Variants in DPYD observed in about 807,000 individuals in gnomAD.
DPYD encodes dihydropyrimidine dehydrogenase.
DPYD carries 109 observed loss-of-function variants against 116.2 expected under a neutral mutation model. The ratio of observed to expected loss-of-function variants is 0.94; its 90% CI spans 0.80 to 1.10. The LOEUF (loss-of-function observed/expected upper bound fraction) is 1.10, where lower values mean the gene tolerates loss of function less well. Ranked by LOEUF, DPYD falls within the 50% of genes least tolerant of loss-of-function variation. DPYD has a pLI of 0.00. For missense variants in DPYD, 1,302 were observed against 1,254.5 expected (o/e 1.04, Z -0.57); for synonymous variants, 440 against 432.0 (o/e 1.02, Z -0.23).
chr1:97,549,610 A>C lies in DPYD; in HGVS notation c.1474T>G (p.Ser492Ala). ...VVGLANTTVE[S>A]VNDGKQASWY... ...GAAGCTTGCTTTCCATCATTCACCG[A>C]TTCCACTGTAGTGTTAGCCAAACCA... The change falls in exon 12 of 23, where the codon TCG (serine) becomes GCG (alanine). Residue 492 changes from serine (S) to alanine (A), a missense_variant. Ser to Ala is a moderately conservative substitution (Grantham distance 99, BLOSUM62 1). Coordinates refer to ENST00000370192, the MANE Select transcript of DPYD (RefSeq NM_000110.4). The C allele has an allele frequency of 6.2e-7, 1 of 1,613,912 alleles. No homozygotes were observed. Among genetic ancestry groups the C allele is most frequent in the Non-Finnish European group, 8.5e-7 (1 of 1,179,878 alleles).
chr1:97,661,620 A>C (rs1659262962), intron 8 of DPYD, among the ~76,000 whole-genome samples: 1 of 152,190 alleles, frequency 6.6e-6, no homozygotes, highest in Non-Finnish European at 1.5e-5. Flanking sequence ...CTATGGAAGA[A>C]GCAAACTTAA....
chr1:97,901,472 GAA>G (rs1165446632), intron 1 of DPYD, among the ~76,000 whole-genome samples: 3 of 151,802 alleles, frequency 2.0e-5, no homozygotes, highest in Non-Finnish European at 4.4e-5. Flanking sequence ...CAAATGAAAA[GAA>G]AGAGACAAAC....
intron 3 of DPYD, among the ~76,000 whole-genome samples, chr1:97,765,103 C>A (rs1264553560): frequency 1.3e-5 from 2 of 152,142 alleles, no homozygotes; most frequent in African/African-American, 4.8e-5. Flanking sequence ...CCAACTCTTT[C>A]TAAAGCTTAA....
chr1:97,542,887 C>T (rs538070437), intron 12 of DPYD, among the ~76,000 whole-genome samples: 96 of 152,224 alleles, frequency 6.3e-4, no homozygotes, highest in African/African-American at 2.2e-3. Flanking sequence ...CTAAAATATC[C>T]TATTTCAATA....
intron 3 of DPYD, among the ~76,000 whole-genome samples, chr1:97,750,671 C>G (rs991295683): frequency 6.6e-6 from 1 of 152,136 alleles, no homozygotes; most frequent in Non-Finnish European, 1.5e-5. Flanking sequence ...CAAAGCCTTA[C>G]AAAGAATTCA....
At chr1:97,696,632 G>C (rs1028660278) in intron 6 of DPYD, among the ~76,000 whole-genome samples, 1 of 151,670 alleles carries the variant, frequency 6.6e-6, no homozygotes, top group African/African-American at 2.4e-5. Context: ...TCTTGTAATC[G>C]TAAGTCCTTT....
chr1:97,405,301 G>A (rs1673595622), intron 14 of DPYD, among the ~76,000 whole-genome samples: 1 of 151,694 alleles, frequency 6.6e-6, no homozygotes, highest in African/African-American at 2.4e-5. Context: ...TCTTTATGTA[G>A]GTCCAAGTTT....
At chr1:97,826,293 A>C (rs1035141238) in intron 3 of DPYD, among the ~76,000 whole-genome samples, 28 of 152,298 alleles carry the variant, frequency 1.8e-4, no homozygotes, top group African/African-American at 6.5e-4. Context: ...TTTGAAGTTA[A>C]TTCTTATAAT....
chr1:97,640,135 G>A (rs1228763167), intron 8 of DPYD, among the ~76,000 whole-genome samples: 1 of 152,066 alleles, frequency 6.6e-6, no homozygotes, highest in African/African-American at 2.4e-5. Flanking sequence ...ATGAAGTCAA[G>A]TTACGTAGTG....
At chr1:97,277,100 G>A (rs183614784) in intron 18 of DPYD, among the ~76,000 whole-genome samples, 7 of 152,184 alleles carry the variant, frequency 4.6e-5, no homozygotes, top group African/African-American at 9.6e-5. Flanking sequence ...GTGAATTAAC[G>A]CAGGAACAGA....
At chr1:97,608,002 A>T (rs1182254719) in intron 8 of DPYD, among the ~76,000 whole-genome samples, 1 of 152,004 alleles carries the variant, frequency 6.6e-6, no homozygotes, top group Non-Finnish European at 1.5e-5. Context: ...CATATATTGT[A>T]ACTATTAGAA....
intron 13 of DPYD, among the ~76,000 whole-genome samples, chr1:97,514,934 T>C (rs1648102968): frequency 1.3e-5 from 2 of 151,972 alleles, no homozygotes; most frequent in Admixed American, 6.6e-5. Context: ...ATAATGATAC[T>C]CTTTTCTTAG....
intron 8 of DPYD, among the ~76,000 whole-genome samples, chr1:97,623,846 G>T (rs1257903629): frequency 6.6e-6 from 1 of 151,970 alleles, no homozygotes; most frequent in Non-Finnish European, 1.5e-5. Flanking sequence ...ATGATCAACT[G>T]ATTTTTGACA....
At chr1:97,396,021 G>T (rs1012647537) in intron 14 of DPYD, among the ~76,000 whole-genome samples, 2 of 151,936 alleles carry the variant, frequency 1.3e-5, no homozygotes, top group Non-Finnish European at 2.9e-5. Flanking sequence ...CCTGAATCAA[G>T]AACTAAATTA....
At chr1:97,513,784 C>A (rs763843792) in intron 13 of DPYD, among the ~76,000 whole-genome samples, 1 of 151,668 alleles carries the variant, frequency 6.6e-6, no homozygotes, top group Non-Finnish European at 1.5e-5. Flanking sequence ...TAAGCACATA[C>A]GATGTAATTA....
chr1:97,102,976 T>A (rs935479396), intron 20 of DPYD, among the ~76,000 whole-genome samples: 2 of 151,984 alleles, frequency 1.3e-5, no homozygotes, highest in Non-Finnish European at 2.9e-5. Context: ...AAAAGCTAAT[T>A]GAAGTAGTTC....
chr1:97,817,595 T>G (rs1488167391), intron 3 of DPYD, among the ~76,000 whole-genome samples: 2 of 152,086 alleles, frequency 1.3e-5, no homozygotes, highest in Admixed American at 6.6e-5. Flanking sequence ...AATGCCAACG[T>G]GCTTATAAAC....
chr1:97,512,995 TA>T (rs149985838), intron 13 of DPYD, among the ~76,000 whole-genome samples: 1 of 151,714 alleles, frequency 6.6e-6, no homozygotes, highest in African/African-American at 2.4e-5. Context: ...TATTTGACAT[TA>T]AAAATATGAT....
At chr1:97,650,523 G>C (rs1472447130) in intron 8 of DPYD, among the ~76,000 whole-genome samples, 1 of 152,046 alleles carries the variant, frequency 6.6e-6, no homozygotes, top group Non-Finnish European at 1.5e-5. Context: ...TTTTAAAAAA[G>C]ACATGTTTTT....
Sources: allele counts gnomAD v4.1 joint callset (sites outside exome capture counted in the v4.1 genomes callset), GRCh38; gene constraint gnomAD v4.1.1; transcripts MANE v1.5; gene names NCBI Gene and HGNC (gene_info 2026-07-23, HGNC 2026-07-21).